The following NDST4 variants were observed in gnomAD, a reference collection of about 807,000 sequenced individuals.
NDST4 encodes N-deacetylase and N-sulfotransferase 4.
Under a neutral mutation model 100.8 loss-of-function variants are expected in NDST4, and 63 were observed. The ratio of observed to expected loss-of-function variants is 0.62; its 90% CI spans 0.51 to 0.77. The LOEUF is 0.77. Among genes scored for constraint, NDST4 ranks in the 30% least tolerant of loss-of-function variants. The pLI is 0.00. For missense variants in NDST4, 943 were observed against 1,018.4 expected, an observed-to-expected ratio of 0.93 and a Z score of 1.01; for synonymous variants, 377 against 361.8, an observed-to-expected ratio of 1.04 and a Z score of -0.48.
intron 6 of NDST4, 84 bp downstream of exon 6, chr4:114,935,122 A>G: frequency 9.2e-7 from 1 of 1,091,152 alleles, no homozygotes; most frequent in Non-Finnish European, 1.2e-6. Flanking sequence ...AAGAAAATAA[A>G]TATGATTTAG....
At chr4:114,967,547 G>A (rs17047524) in intron 4 of NDST4, among the ~76,000 whole-genome samples, 3,019 of 152,116 alleles carry the variant, frequency 0.02, 104 homozygotes, top group African/African-American at 0.067. Flanking sequence ...TCCCTAAAAC[G>A]CAAGGCTCTA....
intron 2 of NDST4, among the ~76,000 whole-genome samples, chr4:115,064,000 A>T (rs915697766): frequency 6.6e-6 from 1 of 152,044 alleles, no homozygotes; most frequent in Admixed American, 6.6e-5. Flanking sequence ...ACTGTAAAGT[A>T]ACCAAAGTCA....
At chr4:114,828,371 A>T (rs1268572304) in intron 13 of NDST4, among the ~76,000 whole-genome samples, 1 of 152,188 alleles carries the variant, frequency 6.6e-6, no homozygotes, top group African/African-American at 2.4e-5. Flanking sequence ...ATAAAAACTA[A>T]AATTCACTAT....
At chr4:114,957,046 C>A (rs1726156951) in intron 4 of NDST4, among the ~76,000 whole-genome samples, 1 of 151,946 alleles carries the variant, frequency 6.6e-6, no homozygotes, top group South Asian at 2.1e-4. Flanking sequence ...AAGACATAGA[C>A]AAAGGTATGA....
intron 6 of NDST4, among the ~76,000 whole-genome samples, chr4:114,917,698 T>G (rs949800434): frequency 6.6e-6 from 1 of 151,950 alleles, no homozygotes; most frequent in Non-Finnish European, 1.5e-5. Context: ...AGAAAGGGAG[T>G]GCAGGGGTGC....
chr4:114,832,474 T>C (rs1196225483), intron 12 of NDST4, among the ~76,000 whole-genome samples: 1 of 152,230 alleles, frequency 6.6e-6, no homozygotes, highest in Non-Finnish European at 1.5e-5. Context: ...TAAAGTACAA[T>C]CCCTTTTAAG....
At chr4:114,988,545 T>A (rs1041544971) in intron 2 of NDST4, among the ~76,000 whole-genome samples, 2 of 151,560 alleles carry the variant, frequency 1.3e-5, no homozygotes, top group African/African-American at 2.4e-5. Flanking sequence ...GTATTTTTAG[T>A]AGAGATGGGG....
chr4:115,002,740 A>C (rs373284829), intron 2 of NDST4, among the ~76,000 whole-genome samples: 8 of 152,180 alleles, frequency 5.3e-5, no homozygotes, highest in African/African-American at 1.9e-4. Flanking sequence ...ATATACCCAA[A>C]GGATTATAAA....
At chr4:114,955,288 A>G (rs745842581) in intron 4 of NDST4, among the ~76,000 whole-genome samples, 65 of 152,172 alleles carry the variant, frequency 4.3e-4, no homozygotes, top group South Asian at 4.1e-4. Context: ...AAGAATGGCA[A>G]CAGTGCGGAT....
In NDST4 at chr4:114,937,341, C is replaced by G; in HGVS notation, c.1384G>C (p.Gly462Arg). ...ACCATGATGCTATTGTGAATGAAGCCCTTTCTGTACCGGGCAGGTTTCAGA... is the reference window on the plus strand; with the variant it reads ...ACCATGATGCTATTGTGAATGAAGCGCTTTCTGTACCGGGCAGGTTTCAGA... The part of the protein sequence containing the change: ...PHLKPARYRK[G>R]FIHNSIMVLP... Residue 462 changes from glycine (G) to arginine (R), a missense_variant, in exon 5 of 14, where the codon GGC (glycine) becomes CGC (arginine). Physicochemically the swap from Gly to Arg is moderately radical, Grantham distance 125. Transcript: ENST00000264363. 6.2e-7 allele frequency: 1 copy of G among 1,614,088 alleles called. No homozygotes were observed. Among genetic ancestry groups the G allele is most frequent in the Non-Finnish European group, 8.5e-7 (1 of 1,179,986 alleles).
intron 6 of NDST4, among the ~76,000 whole-genome samples, chr4:114,924,890 T>C (rs1725358264): frequency 6.6e-6 from 1 of 152,052 alleles, no homozygotes; most frequent in South Asian, 2.1e-4. Flanking sequence ...GTAATGGATA[T>C]CCCAATTACA....
intron 6 of NDST4, among the ~76,000 whole-genome samples, chr4:114,872,137 C>T (rs973337857): frequency 3.3e-5 from 5 of 151,892 alleles, no homozygotes; most frequent in Non-Finnish European, 5.9e-5. Context: ...TGGTTAGATA[C>T]TAGCCATGCA....
At chr4:115,081,306 G>A (rs960696480) in intron 1 of NDST4, among the ~76,000 whole-genome samples, 4 of 152,088 alleles carry the variant, frequency 2.6e-5, no homozygotes, top group Non-Finnish European at 5.9e-5. Context: ...TCCTTCCCTA[G>A]CAAAACTGGC....
At chr4:114,898,463 C>G (rs768631636) in intron 6 of NDST4, among the ~76,000 whole-genome samples, 9 of 152,120 alleles carry the variant, frequency 5.9e-5, no homozygotes, top group African/African-American at 9.7e-5. Flanking sequence ...TAGCTTTATA[C>G]TATCCCTTGA....
chr4:114,974,602 C>G (rs1201266098), intron 3 of NDST4, among the ~76,000 whole-genome samples: 4 of 152,094 alleles, frequency 2.6e-5, no homozygotes, highest in African/African-American at 9.7e-5. Context: ...TTATGCAATT[C>G]CATTCAAGCT....
At chr4:115,027,311 C>T (rs1560572189) in intron 2 of NDST4, among the ~76,000 whole-genome samples, 2 of 152,078 alleles carry the variant, frequency 1.3e-5, no homozygotes, top group Non-Finnish European at 2.9e-5. Context: ...TGGCTCTCAG[C>T]CTCTCTATTA....
intron 2 of NDST4, among the ~76,000 whole-genome samples, chr4:115,071,740 G>C (rs1364093153): frequency 8.3e-5 from 12 of 144,946 alleles, no homozygotes; most frequent in Non-Finnish European, 1.8e-4. Context: ...TGTACTACCA[G>C]AAAAAAAAAA....
intron 6 of NDST4, among the ~76,000 whole-genome samples, chr4:114,902,482 A>G (rs1259696885): frequency 2.0e-5 from 3 of 151,952 alleles, no homozygotes; most frequent in African/African-American, 7.2e-5. Context: ...TTCCCCCTAT[A>G]ACTTATTTCA....
intron 11 of NDST4, among the ~76,000 whole-genome samples, chr4:114,837,518 C>A (rs1298771442): frequency 2.0e-5 from 3 of 152,096 alleles, no homozygotes; most frequent in Admixed American, 6.6e-5. Flanking sequence ...TCAGAAATAA[C>A]ACCACACATC....
Sources: allele counts gnomAD v4.1 joint callset (sites outside exome capture counted in the v4.1 genomes callset), GRCh38; gene constraint gnomAD v4.1.1; transcripts MANE v1.5; gene names NCBI Gene and HGNC (gene_info 2026-07-23, HGNC 2026-07-21).